The following C5AR1 variants were observed in gnomAD, a reference collection of about 807,000 sequenced individuals.
The protein encoded by C5AR1 is complement C5a receptor 1, also known as C5a anaphylatoxin chemotactic receptor 1.
C5AR1 carries 4 observed loss-of-function variants against 2.4 expected under a neutral mutation model. The observed-to-expected ratio is 1.65, with a 90% CI of 0.81 to 3.77. The LOEUF (loss-of-function observed/expected upper bound fraction) is 3.77, where lower values mean the gene tolerates loss of function less well. Among genes scored for constraint, C5AR1 ranks in the 30% most tolerant of loss-of-function variants. The probability of loss-of-function intolerance (pLI) is 0.01; values close to 1 mark genes in which losing one functional copy is unlikely to be tolerated. For missense variants in C5AR1, 418 were observed against 462.5 expected (o/e 0.90, Z 0.88); for synonymous variants, 209 against 210.4 (o/e 0.99, Z 0.06).
chr19:47,313,139 A>G (rs530028010), intron 1 of C5AR1, among the ~76,000 whole-genome samples: 96 of 151,894 alleles, frequency 6.3e-4, no homozygotes, highest in African/African-American at 2.3e-3. Context: ...ACACACGGCT[A>G]ATTTTTGTAT....
rs1318903899 is a variant in C5AR1 at position 47,319,303 on chromosome 19, CA to C, written c.4-477del. On this transcript the variant is annotated intron_variant, in intron 1 of 1. Coordinates refer to ENST00000355085, the MANE Select transcript of C5AR1 (RefSeq NM_001736.4). ...GGGTCCAACTAGCATGGAATCATTT[CA>C]TTTTTTTTTTTTTTTTTTTTTTGAG... 1.2e-4 allele frequency among the ~76,000 whole-genome samples: 8 copies of C among 67,314 alleles called. No homozygotes were observed. The South Asian group carries it at 3.1e-3, about 26-fold the overall frequency. 44.2% of individuals were successfully genotyped at this position (67,314 alleles called of 152,430 possible).
At position 47,320,462 on chromosome 19, in the gene C5AR1, A is replaced by C; in HGVS notation, c.685A>C (p.Thr229Pro). The C allele has an allele frequency of 6.2e-7, 1 of 1,613,004 alleles. No homozygotes were observed. Among genetic ancestry groups the C allele is most frequent in the Non-Finnish European group, 8.5e-7 (1 of 1,179,986 alleles). The change falls in exon 2 of 2, where the codon ACG (threonine) becomes CCG (proline). Residue 229 changes from threonine to proline, a missense_variant. By Grantham distance (38) the Thr-to-Pro change is conservative. Transcript: ENST00000355085. The surrounding 1 kb of genome is among the most constrained non-coding windows in gnomAD (Gnocchi z 4.9). ...TTGTTACACTTTCATCCTGCTCCGG[A>C]CGTGGAGCCGCAGGGCCACGCGGTC... ...TICYTFILLR[T>P]WSRRATRSTK...
At chr19:47,311,585 A>G (rs1047440055) in intron 1 of C5AR1, among the ~76,000 whole-genome samples, 1 of 151,724 alleles carries the variant, frequency 6.6e-6, no homozygotes, top group African/African-American at 2.4e-5. Flanking sequence ...TTATTTTGAG[A>G]CAGAGTTTCA....
rs1043662427 is a variant in C5AR1 at position 47,317,014 on chromosome 19, C to CA, written c.4-2755dup. On this transcript the variant is annotated intron_variant, in intron 1 of 1. Coordinates refer to ENST00000355085, the MANE Select transcript of C5AR1 (RefSeq NM_001736.4). ...GCAACAAAGCGAGACCCATCTCTAC[C>CA]AAAAAAAAAAAAGAAAAAAAATACA... Among the ~76,000 whole-genome samples the CA allele has an allele frequency of 4.4e-3, 538 of 122,686 alleles. 3 individuals carry two copies. The highest frequency in any genetic ancestry group is 0.011 in the African/African-American group (378 of 33,034). The allele number at this position is 122,686 out of a possible 152,430, so 80.5% of individuals were successfully genotyped here. A position where few individuals can be genotyped will look rare whatever the true frequency, so the allele number is the denominator to read the frequency against.
At chr19:47,309,855 G>A, upstream of C5AR1, 3 of 1,611,556 alleles carry the variant, frequency 1.9e-6, no homozygotes, top group Non-Finnish European at 2.5e-6. Flanking sequence ...CCCTTGGGCA[G>A]GAGGGACCTT....
intron 1 of C5AR1, 125 bp downstream of exon 1, chr19:47,310,023 C>A: frequency 1.1e-6 from 1 of 945,450 alleles, no homozygotes; most frequent in Non-Finnish European, 1.6e-6. Flanking sequence ...CTTTCCTTCT[C>A]TCTCCCTGTC....
chr19:47,318,980 G>C (rs986858073), intron 1 of C5AR1, among the ~76,000 whole-genome samples: 3 of 150,168 alleles, frequency 2.0e-5, no homozygotes, highest in African/African-American at 7.4e-5. Context: ...CTGCCTCCTG[G>C]GTTCAAGCAA....
intron 1 of C5AR1, among the ~76,000 whole-genome samples, 169 bp downstream of exon 1, chr19:47,310,067 C>A (rs1319907474): frequency 6.6e-6 from 1 of 152,156 alleles, no homozygotes; most frequent in Non-Finnish European, 1.5e-5. Context: ...TCCTGCATCC[C>A]AGGCTCTCAC....
At chr19:47,318,097 GT>G (rs2059295837) in intron 1 of C5AR1, among the ~76,000 whole-genome samples, 1 of 151,840 alleles carries the variant, frequency 6.6e-6, no homozygotes, top group Non-Finnish European at 1.5e-5. Flanking sequence ...TTTTCTCTGG[GT>G]TGGTGTCAAA....
In C5AR1 at chr19:47,319,837, G is replaced by A. The variant is rs189447051; in HGVS notation, c.60G>A (p.Leu20=). 25 of 1,614,032 alleles carry A rather than the reference G, an allele frequency of 1.5e-5. No individual in the cohort carries two copies. The African/African-American group carries it at 2.5e-4, about 16-fold the overall frequency. The change falls in exon 2 of 2, where the codon CTG becomes CTA. Residue 20 remains leucine, a synonymous_variant. Coordinates refer to ENST00000355085, the MANE Select transcript of C5AR1 (RefSeq NM_001736.4). ...GGCACTATGATGACAAGGATACCCTGGACCTCAACACCCCTGTGGATAAAA... is the reference window on the plus strand; with the variant it reads ...GGCACTATGATGACAAGGATACCCTAGACCTCAACACCCCTGTGGATAAAA... ...DYGHYDDKDT[L]DLNTPVDKTS...
At chr19:47,312,108 C>T (rs1351269749) in intron 1 of C5AR1, among the ~76,000 whole-genome samples, 1 of 152,082 alleles carries the variant, frequency 6.6e-6, no homozygotes. Context: ...TTTTTTGAGA[C>T]AGTGTCTTGC....
intron 1 of C5AR1, among the ~76,000 whole-genome samples, chr19:47,318,291 TTTTC>T (rs1430871916): frequency 2.0e-5 from 3 of 151,814 alleles, no homozygotes; most frequent in African/African-American, 4.8e-5. Context: ...GGGCATTTTT[TTTTC>T]TTTCTTTTTT....
intron 1 of C5AR1, among the ~76,000 whole-genome samples, chr19:47,318,399 T>G (rs1488677450): frequency 6.6e-6 from 1 of 151,898 alleles, no homozygotes; most frequent in Non-Finnish European, 1.5e-5. Flanking sequence ...GTTCAAGTGA[T>G]TCTCCTGCCT....
chr19:47,321,019 G>A lies in C5AR1; in HGVS notation c.*189G>A, dbSNP rs2059308786. ...TCTTCTCATCCTTCCTCATTTGCAA[G>A]GTGAACACTTCCTTCTAGGGAGCAC... is the stretch of plus-strand genomic sequence containing the variant. On this transcript the variant is annotated 3_prime_UTR_variant, in exon 2 of 2. Transcript: ENST00000355085. The A allele has an allele frequency of 1.3e-5, 7 of 526,124 alleles. No individual in the cohort carries two copies. Among genetic ancestry groups the A allele is most frequent in the Non-Finnish European group, 2.0e-5 (6 of 297,012 alleles). The allele number at this position is 526,124 out of a possible 1,614,324, so 32.6% of individuals were successfully genotyped here.
chr19:47,316,101 G>A (rs938369881), intron 1 of C5AR1, among the ~76,000 whole-genome samples: 2 of 151,878 alleles, frequency 1.3e-5, no homozygotes, highest in Non-Finnish European at 2.9e-5. Flanking sequence ...CACCTCCCAG[G>A]TTCAAGCGAT....
intron 1 of C5AR1, among the ~76,000 whole-genome samples, chr19:47,319,403 G>A (rs1342138725): frequency 6.7e-6 from 1 of 149,162 alleles, no homozygotes; most frequent in East Asian, 2.0e-4. Flanking sequence ...CTGCCTCCTG[G>A]GGTCAGGTGA....
chr19:47,320,988 C>G lies in C5AR1; in HGVS notation c.*158C>G, dbSNP rs185422400. 4.9e-4 allele frequency: 309 copies of G among 634,592 alleles called. 2 individuals carry two copies. The highest frequency in any genetic ancestry group is 3.5e-3 in the African/African-American group (189 of 54,212). The allele number at this position is 634,592 out of a possible 1,614,324, so 39.3% of individuals were successfully genotyped here. On this transcript the variant is annotated 3_prime_UTR_variant, in exon 2 of 2. Coordinates refer to ENST00000355085, the MANE Select transcript of C5AR1 (RefSeq NM_001736.4). The surrounding 1 kb of genome is among the most constrained non-coding windows in gnomAD (Gnocchi z 4.9). ...CCCAGACTTGTCCCTCCTTTTCCAGCGGGACTCTTCTCATCCTTCCTCATT... is the reference window on the plus strand; with the variant it reads ...CCCAGACTTGTCCCTCCTTTTCCAGGGGGACTCTTCTCATCCTTCCTCATT...
chr19:47,308,073 T>C (rs12610138), upstream of C5AR1, among the ~76,000 whole-genome samples: 149,902 of 151,740 alleles, frequency 0.99, 74,064 homozygotes, highest in East Asian at 1. Context: ...ATTAGCCGGG[T>C]GCAGTGGTAG....
chr19:47,312,864 T>C (rs975571827), intron 1 of C5AR1, among the ~76,000 whole-genome samples: 2 of 152,090 alleles, frequency 1.3e-5, no homozygotes, highest in Non-Finnish European at 2.9e-5. Context: ...AGGTGGGGTC[T>C]TGCTATGTTG....
Sources: gnomAD v4.1 joint callset for allele counts (sites outside exome capture counted in the v4.1 genomes callset) on GRCh38, gnomAD v4.1.1 for gene constraint, Gnocchi (gnomAD v3.1) non-coding constraint, MANE v1.5 for transcripts, NCBI Gene and HGNC (gene_info 2026-07-23, HGNC 2026-07-21) for gene names.